Variants in TYW1 observed in about 807,000 individuals in gnomAD.
The protein encoded by TYW1 is S-adenosyl-L-methionine-dependent tRNA 4-demethylwyosine synthase TYW1.
TYW1 carries 46 observed loss-of-function variants against 96.2 expected under a neutral mutation model. The ratio of observed to expected loss-of-function variants is 0.48; its 90% confidence interval spans 0.38 to 0.61. The LOEUF is 0.61. Among genes scored for constraint, TYW1 ranks in the 20% least tolerant of loss-of-function variants. The probability of loss-of-function intolerance (pLI) is 0.00; values close to 1 mark genes in which losing one functional copy is unlikely to be tolerated. For missense variants in TYW1, 684 were observed against 909.6 expected (o/e 0.75, Z 3.19); for synonymous variants, 274 against 323.0 (o/e 0.85, Z 1.63).
chr7:67,089,274 A>G (rs1475381960), intron 11 of TYW1: 3 of 1,367,260 alleles, frequency 2.2e-6, no homozygotes, highest in Non-Finnish European at 3.0e-6. Context: ...GGTGGGGGCA[A>G]ACCAGGCTCC....
At chr7:67,065,765 C>T (rs1297393585) in intron 9 of TYW1, among the ~76,000 whole-genome samples, 1 of 151,568 alleles carries the variant, frequency 6.6e-6, no homozygotes, top group African/African-American at 2.4e-5. Flanking sequence ...AATAACAGTA[C>T]TTTGGGAGGT....
chr7:67,082,676 G>A (rs942846505), intron 10 of TYW1, among the ~76,000 whole-genome samples: 1 of 152,010 alleles, frequency 6.6e-6, no homozygotes, highest in African/African-American at 2.4e-5. Flanking sequence ...TGGACACTGG[G>A]GAGCTGGTCC....
At chr7:67,095,072 C>T (rs1320736001) in intron 11 of TYW1, among the ~76,000 whole-genome samples, 1 of 151,784 alleles carries the variant, frequency 6.6e-6, no homozygotes, top group Non-Finnish European at 1.5e-5. Context: ...AGTCTCAGCT[C>T]ACTGCAACCT....
At chr7:67,168,585 A>G (rs1799422848) in intron 13 of TYW1, among the ~76,000 whole-genome samples, 1 of 152,230 alleles carries the variant, frequency 6.6e-6, no homozygotes, top group Non-Finnish European at 1.5e-5. Context: ...TAAATTTTCA[A>G]AATGACTTTG....
intron 14 of TYW1, among the ~76,000 whole-genome samples, chr7:67,184,532 C>A (rs2116309727): frequency 6.6e-6 from 1 of 151,144 alleles, no homozygotes; most frequent in East Asian, 1.9e-4. Flanking sequence ...AGGGTAAATG[C>A]ATATATTATT....
At chr7:67,227,518 A>C (rs1050039959) in intron 15 of TYW1, among the ~76,000 whole-genome samples, 2 of 152,006 alleles carry the variant, frequency 1.3e-5, no homozygotes. Context: ...CAGCTGCCCA[A>C]AGTGCTGGGA....
chr7:67,062,767 G>C (rs1795738079), intron 9 of TYW1, among the ~76,000 whole-genome samples: 1 of 152,000 alleles, frequency 6.6e-6, no homozygotes, highest in African/African-American at 2.4e-5. Context: ...TATATAATCG[G>C]AATAATCCTG....
At chr7:67,147,753 A>G (rs542352681) in intron 13 of TYW1, among the ~76,000 whole-genome samples, 2 of 152,216 alleles carry the variant, frequency 1.3e-5, no homozygotes, top group South Asian at 2.1e-4. Flanking sequence ...AAAGGACATG[A>G]TCTTGTTCTT....
At chr7:67,195,404 T>A in intron 15 of TYW1, 67 bp downstream of exon 15, 2 of 1,603,722 alleles carry the variant, frequency 1.2e-6, no homozygotes, top group Non-Finnish European at 1.7e-6. Flanking sequence ...CTCTTCTCTC[T>A]TTATTTTCCT....
At chr7:67,136,945 C>T (rs1798281342) in intron 13 of TYW1, among the ~76,000 whole-genome samples, 1 of 151,794 alleles carries the variant, frequency 6.6e-6, no homozygotes, top group Non-Finnish European at 1.5e-5. Context: ...GCCTCAGCCT[C>T]CTGAGTAGCT....
At chr7:67,109,273 C>CAAAA (rs1203625487) in intron 12 of TYW1, among the ~76,000 whole-genome samples, 362 of 44,226 alleles carry the variant, frequency 8.2e-3, no homozygotes, top group East Asian at 0.012. Flanking sequence ...GACTCCGTCT[C>CAAAA]AAAAAAAAAA....
At chr7:67,043,012 A>G (rs895325090) in intron 7 of TYW1, among the ~76,000 whole-genome samples, 2 of 151,722 alleles carry the variant, frequency 1.3e-5, no homozygotes, top group Admixed American at 6.6e-5. Flanking sequence ...AAAATAAAGG[A>G]AAAAAGGAGA....
At chr7:67,197,954 C>T (rs1800456414) in intron 15 of TYW1, among the ~76,000 whole-genome samples, 1 of 138,570 alleles carries the variant, frequency 7.2e-6, no homozygotes, top group Non-Finnish European at 1.6e-5. Context: ...CCCTTCCCTA[C>T]CCCTGCCCCC....
intron 7 of TYW1, among the ~76,000 whole-genome samples, chr7:67,038,495 A>G (rs1462706400): frequency 6.6e-6 from 1 of 151,902 alleles, no homozygotes; most frequent in African/African-American, 2.4e-5. Flanking sequence ...GGTCCCAGCT[A>G]CTTGGGAGGC....
Position 67,084,525 on chromosome 7 carries a change from C to CTT in TYW1, c.1384+997_1384+998dup, listed in dbSNP as rs11445938. Among the ~76,000 whole-genome samples the CTT allele has an allele frequency of 8.2e-4, 120 of 145,676 alleles. 1 individual carries two copies. The highest frequency in any genetic ancestry group is 2.2e-3 in the African/African-American group (88 of 39,764). On this transcript the variant is annotated intron_variant, in intron 11 of 15. Transcript: ENST00000359626. Reference sequence around the variant, plus strand: ...AAGAGTATGCTTTTTTTTCTTTCTTCTTTTTTTTTTTTGGACCAGATCTCG... The same window carrying CTT: ...AAGAGTATGCTTTTTTTTCTTTCTTCTTTTTTTTTTTTTTGGACCAGATCTCG...
At position 67,049,960 on chromosome 7, in the gene TYW1, A is replaced by G. The variant is rs140097925; in HGVS notation, c.996A>G (p.Glu332=). The G allele has an allele frequency of 6.8e-6, 11 of 1,613,820 alleles. No homozygotes were observed. In the African/African-American group the frequency reaches 1.2e-4, roughly 18 times the overall value. ...DHVKKEKREK[E]QQEEKSGLFR... Reference sequence around the variant, plus strand: ...TTATTTTAATGCAGAGAGAAAAGGAACAGCAGGAAGAGAAGTCTGGTTTGT... The same window carrying G: ...TTATTTTAATGCAGAGAGAAAAGGAGCAGCAGGAAGAGAAGTCTGGTTTGT... The change falls in exon 8 of 16, where the codon GAA becomes GAG. Residue 332 remains glutamate, a synonymous_variant. Coordinates refer to ENST00000359626, the MANE Select transcript of TYW1 (RefSeq NM_018264.4).
chr7:67,109,770 C>T (rs1797346257), intron 12 of TYW1, among the ~76,000 whole-genome samples: 2 of 152,138 alleles, frequency 1.3e-5, no homozygotes, highest in African/African-American at 4.8e-5. Flanking sequence ...ATCCCAGCTA[C>T]TCGAGAGGCT....
chr7:67,087,563 C>G (rs541005519), intron 11 of TYW1, among the ~76,000 whole-genome samples: 1 of 151,566 alleles, frequency 6.6e-6, no homozygotes, highest in Admixed American at 6.6e-5. Flanking sequence ...TATACAGTAT[C>G]TATTTTACCC....
chr7:67,122,909 T>G, intron 13 of TYW1, among the ~76,000 whole-genome samples: 1 of 152,192 alleles, frequency 6.6e-6, no homozygotes, highest in Admixed American at 6.6e-5. Context: ...TTTTGAAAAT[T>G]GAATGCAGCC....
Sources: allele counts gnomAD v4.1 joint callset (sites outside exome capture counted in the v4.1 genomes callset), GRCh38; gene constraint gnomAD v4.1.1; transcripts MANE v1.5; gene names NCBI Gene and HGNC (gene_info 2026-07-23, HGNC 2026-07-21).